The following TULP4 variants were observed in gnomAD, a reference collection of about 807,000 sequenced individuals.
The protein encoded by TULP4 is TUB like protein 4.
In TULP4, 16 loss-of-function variants were observed where a neutral mutation model predicts 129.0. The observed-to-expected ratio is 0.12, with a 90% confidence interval of 0.08 to 0.19. TULP4 has a LOEUF of 0.19. TULP4 is among the 10% of genes least tolerant of loss of function. The pLI, the probability that TULP4 is intolerant of heterozygous loss-of-function variation, is 1.00. For synonymous variants in TULP4, 998 were observed against 854.0 expected, an observed-to-expected ratio of 1.17 and a Z score of -2.94; for missense variants, 1,842 against 2,059.1, an observed-to-expected ratio of 0.89 and a Z score of 2.04.
intron 1 of TULP4, among the ~76,000 whole-genome samples, chr6:158,239,601 A>C (rs1227818396): frequency 3.2e-4 from 10 of 31,142 alleles, no homozygotes; most frequent in South Asian, 1.2e-3. Flanking sequence ...GACCCCCCCC[A>C]CCTCCCTCCC....
intron 6 of TULP4, among the ~76,000 whole-genome samples, chr6:158,476,593 G>A (rs1449141302): frequency 6.6e-6 from 1 of 152,180 alleles, no homozygotes; most frequent in Non-Finnish European, 1.5e-5. Context: ...ATCCAACCAT[G>A]CTACCTGCCT....
intron 6 of TULP4, among the ~76,000 whole-genome samples, chr6:158,465,857 T>A (rs1779546076): frequency 6.6e-6 from 1 of 152,178 alleles, no homozygotes; most frequent in African/African-American, 2.4e-5. Flanking sequence ...ACAAGTCAGG[T>A]AGATTCAGAG....
At chr6:158,457,831 C>T (rs962506652) in intron 5 of TULP4, among the ~76,000 whole-genome samples, 16 of 152,094 alleles carry the variant, frequency 1.1e-4, no homozygotes, top group African/African-American at 2.7e-4. Context: ...GCCATCTGCT[C>T]CTGTGGGCAG....
intron 3 of TULP4, among the ~76,000 whole-genome samples, chr6:158,446,523 A>G (rs1779046700): frequency 6.6e-6 from 1 of 152,214 alleles, no homozygotes; most frequent in African/African-American, 2.4e-5. Context: ...GTATTAATTC[A>G]AAAGACCTTT....
At chr6:158,310,121 A>G (rs1162844422), upstream of TULP4, among the ~76,000 whole-genome samples, 3 of 152,166 alleles carry the variant, frequency 2.0e-5, no homozygotes, top group Non-Finnish European at 4.4e-5. Flanking sequence ...TACTATAAGG[A>G]ATACCTGAGA....
intron 2 of TULP4, among the ~76,000 whole-genome samples, chr6:158,415,897 T>G (rs1418833030): frequency 2.0e-5 from 3 of 152,128 alleles, no homozygotes; most frequent in Non-Finnish European, 4.4e-5. Context: ...TGATAGGCCG[T>G]CTGCAAGTTG....
chr6:158,236,404 A>G (rs1016097856), intron 1 of TULP4, among the ~76,000 whole-genome samples: 1 of 152,378 alleles, frequency 6.6e-6, no homozygotes, highest in Middle Eastern at 3.4e-3. Context: ...ACAGTTCATT[A>G]GAAAAATGGG....
chr6:158,308,857 C>T (rs1300873846), upstream of TULP4, among the ~76,000 whole-genome samples: 3 of 141,482 alleles, frequency 2.1e-5, no homozygotes, highest in African/African-American at 5.2e-5. Flanking sequence ...CCTTACCTCC[C>T]GGACGGGGCG....
At chr6:158,489,309 G>C (rs1780142720) in intron 8 of TULP4, among the ~76,000 whole-genome samples, 1 of 152,230 alleles carries the variant, frequency 6.6e-6, no homozygotes, top group Non-Finnish European at 1.5e-5. Flanking sequence ...CAACAGCACA[G>C]CCATTTTGTT....
At chr6:158,274,543 A>G (rs544431355) in intron 1 of TULP4, among the ~76,000 whole-genome samples, 14 of 151,824 alleles carry the variant, frequency 9.2e-5, no homozygotes, top group East Asian at 3.9e-4. Flanking sequence ...TTGGGAGGCC[A>G]AGGCGGGCGG....
At chr6:158,422,144 C>T (rs1778358709) in intron 2 of TULP4, among the ~76,000 whole-genome samples, 1 of 151,764 alleles carries the variant, frequency 6.6e-6, no homozygotes, top group South Asian at 2.1e-4. Flanking sequence ...AAAATTAGTA[C>T]AATAGGGAAA....
In TULP4 at chr6:158,371,164, GA is replaced by G. The variant is rs563077527; in HGVS notation, c.253-41894del. ...AGAGACACTTTAGATAGCACATGAG[GA>G]AAAAAATATCGTTCTTTCCCACTAG... On this transcript the variant is annotated intron_variant, in intron 1 of 13. Transcript: ENST00000367097. Among the ~76,000 whole-genome samples the G allele has an allele frequency of 1.8e-3, 268 of 152,248 alleles. 2 individuals are homozygous for G. Among genetic ancestry groups the G allele is most frequent in the African/African-American group, 6.0e-3 (250 of 41,548 alleles).
intron 1 of TULP4, among the ~76,000 whole-genome samples, chr6:158,254,422 C>T (rs191667710): frequency 8.5e-5 from 13 of 152,292 alleles, no homozygotes; most frequent in South Asian, 2.1e-4. Context: ...GGATTACAAG[C>T]GTGAGCCACC....
At chr6:158,329,368 A>C (rs959436673) in intron 1 of TULP4, among the ~76,000 whole-genome samples, 5 of 151,932 alleles carry the variant, frequency 3.3e-5, no homozygotes, top group African/African-American at 1.2e-4. Flanking sequence ...ACAACGTTTA[A>C]GGCAAAACCG....
At chr6:158,301,542 T>C (rs982182199) in intron 1 of TULP4, among the ~76,000 whole-genome samples, 1 of 152,162 alleles carries the variant, frequency 6.6e-6, no homozygotes, top group African/African-American at 2.4e-5. Flanking sequence ...TCTGGAAAAT[T>C]TAAGTATTCT....
intron 6 of TULP4, among the ~76,000 whole-genome samples, chr6:158,465,678 CAA>C (rs1313873846): frequency 6.6e-6 from 1 of 152,184 alleles, no homozygotes. Context: ...AAAACAGTCT[CAA>C]GAGGTCCTGA....
chr6:158,460,872 A>G (rs618132), intron 5 of TULP4, among the ~76,000 whole-genome samples: 63,027 of 151,558 alleles, frequency 0.42, 14,344 homozygotes, highest in African/African-American at 0.62. Context: ...CAGTACTTAT[A>G]TGAATATACA....
At chr6:158,486,433 G>T (rs183997786) in intron 8 of TULP4, among the ~76,000 whole-genome samples, 1 of 152,210 alleles carries the variant, frequency 6.6e-6, no homozygotes, top group Admixed American at 6.5e-5. Flanking sequence ...GGTGCATGTA[G>T]TCCCAGCTAC....
At chr6:158,416,661 A>C (rs561457468) in intron 2 of TULP4, among the ~76,000 whole-genome samples, 2 of 152,206 alleles carry the variant, frequency 1.3e-5, no homozygotes, top group Admixed American at 6.5e-5. Context: ...CCATTTTTTT[A>C]ATGAAATGAG....
Sources: allele counts gnomAD v4.1 joint callset (sites outside exome capture counted in the v4.1 genomes callset), GRCh38; gene constraint gnomAD v4.1.1; transcripts MANE v1.5; gene names NCBI Gene and HGNC (gene_info 2026-07-23, HGNC 2026-07-21).